RORA: variants seen among roughly 807,000 people sequenced by gnomAD.
The protein encoded by RORA is nuclear receptor ROR-alpha.
In RORA, 7 loss-of-function variants were observed where a neutral mutation model predicts 69.5. That is an observed-to-expected ratio of 0.10 (90% CI 0.06 to 0.19). The LOEUF (loss-of-function observed/expected upper bound fraction) is 0.19. Among genes scored for constraint, RORA ranks in the 10% least tolerant of loss-of-function variants. The pLI is 1.00. For synonymous variants in RORA, 261 were observed against 240.8 expected, an observed-to-expected ratio of 1.08 and a Z score of -0.78; for missense variants, 457 against 663.0, an observed-to-expected ratio of 0.69 and a Z score of 3.41.
intron 1 of RORA, among the ~76,000 whole-genome samples, chr15:61,209,885 A>G (rs1309763411): frequency 1.3e-5 from 2 of 152,266 alleles, no homozygotes; most frequent in Non-Finnish European, 2.9e-5. Context: ...TGACTTACTT[A>G]TACATTTATA....
At chr15:60,736,366 C>G (rs1243435902) in intron 1 of RORA, among the ~76,000 whole-genome samples, 1 of 152,176 alleles carries the variant, frequency 6.6e-6, no homozygotes, top group Non-Finnish European at 1.5e-5. Flanking sequence ...CTGTCTCCCT[C>G]TTCCAACTAG....
Position 61,048,598 on chromosome 15 carries a change from G to A in RORA, c.166+180455C>T, listed in dbSNP as rs183157183. ...ATGGCGGAGAAGCCAGCCTGTTTCC[G>A]ATTATTCTGCCTGACAGGGACTATC... On this transcript the variant is annotated intron_variant, in intron 1 of 10. Coordinates refer to ENST00000335670, the MANE Select transcript of RORA (RefSeq NM_134261.3). Among the ~76,000 whole-genome samples, 279 of 152,298 alleles carry A rather than the reference G, an allele frequency of 1.8e-3. 2 individuals carry two copies. Among genetic ancestry groups the A allele is most frequent in the South Asian group, 0.011 (55 of 4,820 alleles).
chr15:60,821,082 A>T (rs558940515), intron 1 of RORA, among the ~76,000 whole-genome samples: 1 of 151,848 alleles, frequency 6.6e-6, no homozygotes, highest in Non-Finnish European at 1.5e-5. Context: ...CCAATTACCT[A>T]TTTCCAGCTG....
intron 1 of RORA, among the ~76,000 whole-genome samples, chr15:60,841,689 AC>A (rs1438678997): frequency 4.0e-5 from 6 of 151,386 alleles, no homozygotes; most frequent in African/African-American, 1.5e-4. Flanking sequence ...TGGAGCCAAC[AC>A]CCCTCCACAC....
At chr15:60,976,524 C>G (rs774573601) in intron 1 of RORA, among the ~76,000 whole-genome samples, 2 of 152,080 alleles carry the variant, frequency 1.3e-5, no homozygotes, top group Non-Finnish European at 2.9e-5. Context: ...CCAGCATCAG[C>G]GGCGACATTT....
Position 60,569,261 on chromosome 15 carries a change from T to TA in RORA, c.197-37411dup, listed in dbSNP as rs60382168. On this transcript the variant is annotated intron_variant, in intron 2 of 10. Transcript: ENST00000335670. ...GAGAGACTCCATCTCTTTAAAAAATTAAAAAAAAAAAAAAAAAAAAAGCCA... is the reference window on the plus strand; with the variant it reads ...GAGAGACTCCATCTCTTTAAAAAATTAAAAAAAAAAAAAAAAAAAAAAGCCA... 5.9e-3 allele frequency among the ~76,000 whole-genome samples: 532 copies of TA among 89,618 alleles called. 5 individuals are homozygous for TA. Among genetic ancestry groups the TA allele is most frequent in the South Asian group, 0.013 (36 of 2,730 alleles). 58.8% of individuals were successfully genotyped at this position (89,618 alleles called of 152,430 possible). A position where few individuals can be genotyped will look rare whatever the true frequency, so the allele number is the denominator to read the frequency against.
At chr15:60,758,612 G>A (rs2071836530) in intron 1 of RORA, among the ~76,000 whole-genome samples, 1 of 152,098 alleles carries the variant, frequency 6.6e-6, no homozygotes, top group Non-Finnish European at 1.5e-5. Flanking sequence ...CCAAGGATTT[G>A]CCACGACTCT....
At chr15:61,027,010 A>T (rs1023967699) in intron 1 of RORA, among the ~76,000 whole-genome samples, 1 of 152,042 alleles carries the variant, frequency 6.6e-6, no homozygotes, top group African/African-American at 2.4e-5. Context: ...GGCCTGCAAA[A>T]AAAAAAAAAG....
At chr15:61,062,156 G>A (rs919832337) in intron 1 of RORA, among the ~76,000 whole-genome samples, 1 of 152,178 alleles carries the variant, frequency 6.6e-6, no homozygotes, top group South Asian at 2.1e-4. Context: ...AGTCTTCTTG[G>A]CTCTGAATGC....
intron 1 of RORA, among the ~76,000 whole-genome samples, chr15:60,736,408 A>G (rs1313955923): frequency 1.3e-5 from 2 of 152,208 alleles, no homozygotes; most frequent in Admixed American, 1.3e-4. Context: ...AGCTTCAGTA[A>G]TATTTGAGAA....
At chr15:61,183,566 A>C (rs142465893) in intron 1 of RORA, among the ~76,000 whole-genome samples, 1 of 151,092 alleles carries the variant, frequency 6.6e-6, no homozygotes, top group African/African-American at 2.4e-5. Flanking sequence ...AAACTGGCTC[A>C]TGGATGGACA....
intron 1 of RORA, among the ~76,000 whole-genome samples, chr15:60,950,223 C>G (rs1257521285): frequency 6.6e-6 from 1 of 150,868 alleles, no homozygotes; most frequent in Non-Finnish European, 1.5e-5. Flanking sequence ...AAACACTTTA[C>G]AGACAAGCAA....
intron 1 of RORA, among the ~76,000 whole-genome samples, chr15:60,797,430 T>C (rs1442166706): frequency 1.3e-5 from 2 of 152,162 alleles, no homozygotes; most frequent in Non-Finnish European, 2.9e-5. Flanking sequence ...GGGTTGTACA[T>C]TAATTGAGAA....
At chr15:60,558,373 T>A (rs964740674) in intron 2 of RORA, 3 of 995,258 alleles carry the variant, frequency 3.0e-6, no homozygotes, top group Non-Finnish European at 4.7e-6. Context: ...GGCCACTGCC[T>A]TGTTTATTAC....
intron 1 of RORA, among the ~76,000 whole-genome samples, chr15:61,135,293 C>T (rs1235560555): frequency 6.6e-6 from 1 of 151,778 alleles, no homozygotes; most frequent in Non-Finnish European, 1.5e-5. Flanking sequence ...ATTATGCCAC[C>T]ACACTCCAGC....
rs571009720 is a variant in RORA, at chr15:60,989,894, TACTTTTGTTTTTATAAGAA to T, written c.166+239140_166+239158del. On this transcript the variant is annotated intron_variant, in intron 1 of 10. Transcript: ENST00000335670. ...CAGACCACTCCAAAACCACTTCTTT[TACTTTTGTTTTTATAAGAA>T]AAGTAGTCCATTCACAGGTCCACCC... Among the ~76,000 whole-genome samples, 20 of 152,330 alleles carry T rather than the reference TACTTTTGTTTTTATAAGAA, an allele frequency of 1.3e-4. No individual in the cohort carries two copies. In the South Asian group the frequency reaches 3.7e-3, roughly 28 times the overall value.
At chr15:60,759,417 G>C (rs1457573224) in intron 1 of RORA, among the ~76,000 whole-genome samples, 1 of 152,148 alleles carries the variant, frequency 6.6e-6, no homozygotes, top group Non-Finnish European at 1.5e-5. Flanking sequence ...CAGGTTGAGG[G>C]GGACATGGGG....
chr15:61,114,788 G>A (rs2079035620), intron 1 of RORA, among the ~76,000 whole-genome samples: 1 of 152,112 alleles, frequency 6.6e-6, no homozygotes, highest in African/African-American at 2.4e-5. Context: ...TTCTGATTTA[G>A]AGACCCAACC....
intron 2 of RORA, among the ~76,000 whole-genome samples, chr15:60,618,183 C>G (rs1260401385): frequency 6.6e-6 from 1 of 152,144 alleles, no homozygotes; most frequent in Non-Finnish European, 1.5e-5. Context: ...GGAGGTGGGG[C>G]AGAGGTGACT....
Sources: gnomAD v4.1 joint callset for allele counts (sites outside exome capture counted in the v4.1 genomes callset) on GRCh38, gnomAD v4.1.1 for gene constraint, MANE v1.5 for transcripts, NCBI Gene and HGNC (gene_info 2026-07-23, HGNC 2026-07-21) for gene names.